Variants in P2RY12 observed in about 807,000 individuals in gnomAD.
P2RY12 encodes P2Y purinoceptor 12.
Under a neutral mutation model 4.5 loss-of-function variants are expected in P2RY12, and 3 were observed. That is an observed-to-expected ratio of 0.67 (90% CI 0.31 to 1.74). P2RY12 has a LOEUF of 1.74. Ranked by LOEUF, P2RY12 falls within the 40% of genes most tolerant of loss-of-function variation. The pLI is 0.09. For synonymous variants in P2RY12, 148 were observed against 154.1 expected (o/e 0.96, Z 0.29); for missense variants, 356 against 407.8 (o/e 0.87, Z 1.09).
chr3:151,338,570 C>T lies in P2RY12; in HGVS notation c.276G>A (p.Leu92=). Residue 92 remains leucine, a synonymous_variant, in exon 3 of 3, where the codon CTG becomes CTA. Transcript: ENST00000302632. ...AGGTAACTTGACACACAAAAGTTCT[C>T]AGTGGTCCTGTTCCCAGTTTGGCAT... ...LSDAKLGTGP[L]RTFVCQVTSV... The T allele has an allele frequency of 5.0e-6, 8 of 1,613,992 alleles. No individual in the cohort carries two copies. The highest frequency in any genetic ancestry group is 6.8e-6 in the Non-Finnish European group (8 of 1,179,978).
chr3:151,344,290 A>G (rs1474076377), intron 1 of P2RY12, among the ~76,000 whole-genome samples: 3 of 114,736 alleles, frequency 2.6e-5, no homozygotes, highest in African/African-American at 3.6e-5. Context: ...TACTCTATGT[A>G]TAGTTACTAA....
At chr3:151,373,272 T>C (rs917094806) in intron 1 of P2RY12, among the ~76,000 whole-genome samples, 1 of 152,152 alleles carries the variant, frequency 6.6e-6, no homozygotes, top group African/African-American at 2.4e-5. Context: ...ACAGAAATAA[T>C]CTTGAGTTCT....
chr3:151,372,821 G>C (rs1756355403), intron 1 of P2RY12: 4 of 1,413,710 alleles, frequency 2.8e-6, no homozygotes, highest in Non-Finnish European at 4.0e-6. Context: ...CTTTTGGAGA[G>C]AGCTACTTAC....
chr3:151,355,831 A>T, intron 1 of P2RY12: 2 of 1,418,582 alleles, frequency 1.4e-6, no homozygotes, highest in Non-Finnish European at 1.9e-6. Context: ...AGTAAAAATG[A>T]TTTATCTTAG....
chr3:151,373,809 C>T (rs565910317), intron 1 of P2RY12, among the ~76,000 whole-genome samples: 2 of 152,222 alleles, frequency 1.3e-5, no homozygotes, highest in African/African-American at 2.4e-5. Flanking sequence ...TGTACTTTCT[C>T]TGCCCCGGGC....
chr3:151,353,302 A>G (rs950275162), intron 1 of P2RY12, among the ~76,000 whole-genome samples: 3 of 152,246 alleles, frequency 2.0e-5, no homozygotes, highest in African/African-American at 7.2e-5. Flanking sequence ...ATGTTAGTAA[A>G]TGAAAAATTC....
At chr3:151,364,832 T>C in intron 1 of P2RY12, 1 of 613,742 alleles carries the variant, frequency 1.6e-6, no homozygotes, top group Non-Finnish European at 2.9e-6. Context: ...CGCCAATTAG[T>C]AAGAAGTTCT....
chr3:151,339,928 T>C (rs188544221), intron 2 of P2RY12, among the ~76,000 whole-genome samples: 1 of 152,148 alleles, frequency 6.6e-6, no homozygotes, highest in Non-Finnish European at 1.5e-5. Flanking sequence ...ATCAGAGATA[T>C]ATTGAAAGTA....
intron 1 of P2RY12, chr3:151,380,321 G>A (rs1474593393): frequency 2.5e-6 from 2 of 808,126 alleles, no homozygotes; most frequent in Non-Finnish European, 3.8e-6. Context: ...TAAGGGCCAG[G>A]TGTGGTGGCT....
At chr3:151,363,123 C>G (rs1754823019) in intron 1 of P2RY12, among the ~76,000 whole-genome samples, 1 of 151,902 alleles carries the variant, frequency 6.6e-6, no homozygotes, top group Non-Finnish European at 1.5e-5. Context: ...ATTTAGGGTA[C>G]CAGCACACAG....
intron 2 of P2RY12, among the ~76,000 whole-genome samples, chr3:151,340,318 G>A (rs553029368): frequency 1.3e-5 from 2 of 152,050 alleles, no homozygotes; most frequent in African/African-American, 4.8e-5. Context: ...CCCTTTATCT[G>A]TATTTAAATC....
chr3:151,375,082 G>A (rs1756665641), intron 1 of P2RY12, among the ~76,000 whole-genome samples: 2 of 152,232 alleles, frequency 1.3e-5, no homozygotes, highest in African/African-American at 2.4e-5. Context: ...AGGCAATTGT[G>A]TGTTGGTTCC....
In P2RY12 at chr3:151,338,129, G is replaced by T; in HGVS notation, c.717C>A (p.Phe239Leu). ...AAATAAAGAATACAGCAATGATAAT[G>T]AAAACTTTGACGTTCACCTTTTTCC... ...VPRKKVNVKV[F>L]IIIAVFFICF... Residue 239 changes from phenylalanine to leucine, a missense_variant, in exon 3 of 3, where the codon TTC becomes TTA. Coordinates refer to ENST00000302632, the MANE Select transcript of P2RY12 (RefSeq NM_022788.5). 2 of 1,614,032 alleles carry T rather than the reference G, an allele frequency of 1.2e-6. No individual in the cohort carries two copies. Among genetic ancestry groups the T allele is most frequent in the Non-Finnish European group, 1.7e-6 (2 of 1,179,984 alleles).
At chr3:151,366,016 A>T (rs777842849) in intron 1 of P2RY12, 2 of 1,530,720 alleles carry the variant, frequency 1.3e-6, no homozygotes, top group Admixed American at 2.1e-5. Context: ...TCATTTAAAA[A>T]TTGAACTGTG....
At chr3:151,360,437 A>G in intron 1 of P2RY12, 3 of 1,595,328 alleles carry the variant, frequency 1.9e-6, no homozygotes, top group Non-Finnish European at 2.6e-6. Context: ...CATAGTACAA[A>G]TCTATGTCTT....
intron 1 of P2RY12, among the ~76,000 whole-genome samples, chr3:151,354,140 CAAAAAAAAAA>C (rs63033360): frequency 4.8e-5 from 3 of 62,846 alleles, no homozygotes; most frequent in South Asian, 7.5e-4. Context: ...GACTCCGTCT[CAAAAAAAAAA>C]AAAAAAAAAA....
intron 1 of P2RY12, among the ~76,000 whole-genome samples, chr3:151,367,116 C>CT (rs375892652): frequency 0.76 from 116,076 of 151,984 alleles, 44,991 homozygotes; most frequent in African/African-American, 0.89. Flanking sequence ...CCCCCTCTGT[C>CT]CTTTTTCTTC....
chr3:151,384,388 A>G (rs1327475560), intron 1 of P2RY12, among the ~76,000 whole-genome samples: 1 of 152,256 alleles, frequency 6.6e-6, no homozygotes, highest in Non-Finnish European at 1.5e-5. Context: ...AGTTACATGC[A>G]CATAACCTTG....
At chr3:151,359,249 A>T (rs1754316258) in intron 1 of P2RY12, among the ~76,000 whole-genome samples, 1 of 152,080 alleles carries the variant, frequency 6.6e-6, no homozygotes, top group African/African-American at 2.4e-5. Context: ...TGCTGCAAAG[A>T]GCATGATTTT....
Sources: gnomAD v4.1 joint callset for allele counts (sites outside exome capture counted in the v4.1 genomes callset) on GRCh38, gnomAD v4.1.1 for gene constraint, MANE v1.5 for transcripts, NCBI Gene and HGNC (gene_info 2026-07-23, HGNC 2026-07-21) for gene names.